The following OSBPL1A variants were observed in gnomAD, a reference collection of about 807,000 sequenced individuals.
OSBPL1A encodes the protein oxysterol binding protein like 1A.
A neutral mutation model predicts 137.1 loss-of-function variants in OSBPL1A; 80 were observed. The ratio of observed to expected loss-of-function variants is 0.58; its 90% CI spans 0.49 to 0.70. The LOEUF (loss-of-function observed/expected upper bound fraction) is 0.70. OSBPL1A is among the 30% of genes least tolerant of loss of function. OSBPL1A has a pLI of 0.00. For synonymous variants in OSBPL1A, 365 were observed against 389.7 expected, an observed-to-expected ratio of 0.94 and a Z score of 0.75; for missense variants, 970 against 1,129.4, an observed-to-expected ratio of 0.86 and a Z score of 2.02.
At chr18:24,279,870 C>T (rs912837350) in intron 15 of OSBPL1A, among the ~76,000 whole-genome samples, 5 of 152,126 alleles carry the variant, frequency 3.3e-5, no homozygotes, top group African/African-American at 2.4e-5. Context: ...AACAGGGTCT[C>T]GCTCTGTCAC....
At chr18:24,192,235 C>T (rs1271864123) in intron 18 of OSBPL1A, among the ~76,000 whole-genome samples, 1 of 152,144 alleles carries the variant, frequency 6.6e-6, no homozygotes, top group East Asian at 1.9e-4. Context: ...ACGACCTAAC[C>T]TCTGGCTGAG....
intron 16 of OSBPL1A, among the ~76,000 whole-genome samples, chr18:24,235,283 C>A (rs145105779): frequency 6.6e-6 from 1 of 152,172 alleles, no homozygotes; most frequent in South Asian, 2.1e-4. Flanking sequence ...TATCTGCTAG[C>A]CCCTTAGTGT....
chr18:24,328,378 C>A (rs1454033548), intron 7 of OSBPL1A, among the ~76,000 whole-genome samples: 1 of 151,658 alleles, frequency 6.6e-6, no homozygotes, highest in Non-Finnish European at 1.5e-5. Flanking sequence ...ACTTTGACAT[C>A]AATATTTGCT....
At chr18:24,169,663 T>C (rs2086228119) in intron 24 of OSBPL1A, among the ~76,000 whole-genome samples, 2 of 152,182 alleles carry the variant, frequency 1.3e-5, no homozygotes, top group South Asian at 2.1e-4. Flanking sequence ...AACCATTGTC[T>C]TGGTTACTGG....
intron 17 of OSBPL1A, among the ~76,000 whole-genome samples, chr18:24,219,758 A>G (rs966187898): frequency 2.0e-5 from 3 of 152,180 alleles, no homozygotes; most frequent in Non-Finnish European, 2.9e-5. Context: ...GGATGAGGTC[A>G]ATGGCCTGAG....
intron 5 of OSBPL1A, among the ~76,000 whole-genome samples, chr18:24,340,099 C>G (rs1462514509): frequency 6.6e-6 from 1 of 152,142 alleles, no homozygotes. Flanking sequence ...TACCTTTACT[C>G]ATTAAGTAGA....
Position 24,348,956 on chromosome 18 carries a change from G to A in OSBPL1A, c.283-7298C>T, listed in dbSNP as rs150772090. Among the ~76,000 whole-genome samples, 596 of 151,924 alleles carry A rather than the reference G, an allele frequency of 3.9e-3. 5 individuals are homozygous for A. Among genetic ancestry groups the A allele is most frequent in the East Asian group, 0.019 (95 of 5,114 alleles). On this transcript the variant is annotated intron_variant, in intron 4 of 27. Transcript: ENST00000319481. ...ATCCAGGTCTGGGATCACTTGAGCC[G>A]AGGAGTTCGAGACCAACCTAGGCAA... is the stretch of plus-strand genomic sequence containing the variant.
At chr18:24,373,969 C>T (rs186519178) in intron 2 of OSBPL1A, among the ~76,000 whole-genome samples, 1 of 151,952 alleles carries the variant, frequency 6.6e-6, no homozygotes, top group Non-Finnish European at 1.5e-5. Context: ...TTTACATTTC[C>T]AAGTAGATGA....
chr18:24,268,166 A>G lies in OSBPL1A; in HGVS notation c.1281+12676T>C, dbSNP rs148374715. ...GGTCTCACTCTGTCACCCAGGTTGG[A>G]ATGCAGTGGTGCAGTCTCGGCTCAC... On this transcript the variant is annotated intron_variant, in intron 15 of 27. Transcript: ENST00000319481. Among the ~76,000 whole-genome samples the G allele has an allele frequency of 5.1e-3, 782 of 152,098 alleles. 5 individuals are homozygous for G. Among genetic ancestry groups the G allele is most frequent in the African/African-American group, 0.018 (754 of 41,494 alleles).
At chr18:24,372,085 G>A (rs1905689720) in intron 2 of OSBPL1A, among the ~76,000 whole-genome samples, 1 of 152,030 alleles carries the variant, frequency 6.6e-6, no homozygotes, top group African/African-American at 2.4e-5. Context: ...AGATGAGCCT[G>A]GGCAAGTAGT....
chr18:24,386,415 T>C lies in OSBPL1A; in HGVS notation c.-2-8880A>G, dbSNP rs140163220. Among the ~76,000 whole-genome samples, 15 of 152,352 alleles carry C rather than the reference T, an allele frequency of 9.8e-5. 1 individual carries two copies. In the East Asian group the frequency reaches 2.7e-3, roughly 27 times the overall value. On this transcript the variant is annotated intron_variant, in intron 1 of 27. Coordinates refer to ENST00000319481, the MANE Select transcript of OSBPL1A (RefSeq NM_080597.4). ...ATATTCCAAGCAATCTGACACTACA[T>C]GTTCAAAGCAATTGACATTACATGC... is the stretch of plus-strand genomic sequence containing the variant.
chr18:24,282,973 G>C (rs190449778), intron 14 of OSBPL1A, among the ~76,000 whole-genome samples: 4 of 152,172 alleles, frequency 2.6e-5, no homozygotes, highest in African/African-American at 9.6e-5. Context: ...GCTGGGCATG[G>C]TGGTGTGCAC....
At chr18:24,363,735 C>T (rs1158018286) in intron 4 of OSBPL1A, among the ~76,000 whole-genome samples, 2 of 151,496 alleles carry the variant, frequency 1.3e-5, no homozygotes, top group African/African-American at 2.4e-5. Flanking sequence ...TCGACCTCCC[C>T]GGCTCAAGTG....
chr18:24,361,679 C>G (rs531107960), intron 4 of OSBPL1A, among the ~76,000 whole-genome samples: 1 of 152,222 alleles, frequency 6.6e-6, no homozygotes, highest in East Asian at 1.9e-4. Flanking sequence ...ATGATAATTC[C>G]TTGCTAGCAA....
chr18:24,218,991 G>A lies in OSBPL1A; in HGVS notation c.1601+6051C>T, dbSNP rs912028963. ...AATAAAGATAAAATGGTATAGCTTG[G>A]ATTTGCTTTAAAAATAGGAGGCCGA... On this transcript the variant is annotated intron_variant, in intron 17 of 27. Transcript: ENST00000319481. 4.0e-5 allele frequency among the ~76,000 whole-genome samples: 6 copies of A among 151,878 alleles called. No individual in the cohort carries two copies. The East Asian group carries it at 9.7e-4, about 24-fold the overall frequency.
intron 1 of OSBPL1A, among the ~76,000 whole-genome samples, chr18:24,380,349 T>C (rs1390494075): frequency 6.6e-6 from 1 of 152,354 alleles, no homozygotes; most frequent in African/African-American, 2.4e-5. Context: ...AAACCCCTGA[T>C]ATCTAGCTGT....
At chr18:24,183,031 G>C (rs1418510045) in intron 18 of OSBPL1A, among the ~76,000 whole-genome samples, 1 of 151,862 alleles carries the variant, frequency 6.6e-6, no homozygotes, top group Non-Finnish European at 1.5e-5. Flanking sequence ...ACCAGACCTG[G>C]ATAATTTTTG....
chr18:24,335,426 G>A (rs2091159036), intron 5 of OSBPL1A, among the ~76,000 whole-genome samples: 1 of 152,192 alleles, frequency 6.6e-6, no homozygotes. Context: ...CAGAGTCCAT[G>A]CTCTTATCAC....
chr18:24,220,926 G>A (rs184958326), intron 17 of OSBPL1A, among the ~76,000 whole-genome samples: 201 of 151,980 alleles, frequency 1.3e-3, no homozygotes, highest in African/African-American at 4.6e-3. Context: ...GACTACAGGC[G>A]TGTGCCACCA....
Sources: allele counts gnomAD v4.1 joint callset (sites outside exome capture counted in the v4.1 genomes callset), GRCh38; gene constraint gnomAD v4.1.1; transcripts MANE v1.5; gene names NCBI Gene and HGNC (gene_info 2026-07-23, HGNC 2026-07-21).